GPR83: variants seen among roughly 807,000 people sequenced by gnomAD.
GPR83 encodes G protein-coupled receptor 83.
Under a neutral mutation model 28.0 loss-of-function variants are expected in GPR83, and 23 were observed. The observed-to-expected ratio is 0.82, with a 90% confidence interval of 0.59 to 1.16. GPR83 has a LOEUF of 1.16. Among genes scored for constraint, GPR83 ranks in the 50% most tolerant of loss-of-function variants. The pLI, the probability that GPR83 is intolerant of heterozygous loss-of-function variation, is 0.00. For missense variants in GPR83, 610 were observed against 536.6 expected (o/e 1.14, Z -1.35); for synonymous variants, 234 against 215.4 (o/e 1.09, Z -0.76).
At chr11:94,388,629 C>T (rs927814804) in intron 3 of GPR83, among the ~76,000 whole-genome samples, 19 of 152,070 alleles carry the variant, frequency 1.2e-4, no homozygotes, top group Non-Finnish European at 2.5e-4. Flanking sequence ...ATGTGAAGGA[C>T]CTCTTCAAGG....
At chr11:94,381,505 T>C in intron 3 of GPR83, among the ~76,000 whole-genome samples, 1 of 152,056 alleles carries the variant, frequency 6.6e-6, no homozygotes, top group East Asian at 1.9e-4. Flanking sequence ...TTAGTTGAAA[T>C]CTGCCTTCCG....
At chr11:94,394,923 G>A (rs1056900509) in intron 2 of GPR83, among the ~76,000 whole-genome samples, 2 of 152,182 alleles carry the variant, frequency 1.3e-5, no homozygotes, top group African/African-American at 4.8e-5. Flanking sequence ...TCAATGCTCA[G>A]TTGCGTTAAT....
rs1944672408 is a variant in GPR83, at chr11:94,380,308, C to T, written c.1113G>A (p.Glu371=). 1 of 1,606,692 alleles carries T rather than the reference C, an allele frequency of 6.2e-7. No homozygotes were observed. Among genetic ancestry groups the T allele is most frequent in the Non-Finnish European group, 8.5e-7 (1 of 1,175,492 alleles). ...SMCQRPPKPQ[E]DRPPSPVPSF... is the part of the protein sequence containing the mutation. The stretch of plus-strand genomic sequence containing the variant: ...AAGGAACTGGGGAGGGTGGCCTGTC[C>T]TCCTGAGGCTTGGGAGGTCTTTGAC... The change falls in exon 4 of 4, where the codon GAG becomes GAA. Residue 371 remains glutamate, a synonymous_variant. Coordinates refer to ENST00000243673, the MANE Select transcript of GPR83 (RefSeq NM_016540.4).
intron 2 of GPR83, among the ~76,000 whole-genome samples, 188 bp from the exon 3 acceptor site, chr11:94,393,806 A>G (rs538730999): frequency 6.6e-6 from 1 of 152,146 alleles, no homozygotes; most frequent in Non-Finnish European, 1.5e-5. Context: ...ATATATTTAA[A>G]AAAATGAAAA....
intron 3 of GPR83, 49 bp from the exon 4 acceptor site, chr11:94,380,822 T>C: frequency 2.0e-6 from 3 of 1,526,148 alleles, no homozygotes; most frequent in Non-Finnish European, 2.7e-6. Context: ...AAAGGAGATA[T>C]TAGTGTGGAA....
intron 3 of GPR83, among the ~76,000 whole-genome samples, chr11:94,389,571 G>T (rs951267341): frequency 1.3e-5 from 2 of 152,178 alleles, no homozygotes; most frequent in Non-Finnish European, 2.9e-5. Flanking sequence ...ATGAAAAAAT[G>T]CTCATTATCA....
intron 3 of GPR83, among the ~76,000 whole-genome samples, chr11:94,384,805 C>T (rs1444905944): frequency 6.6e-6 from 1 of 152,178 alleles, no homozygotes; most frequent in African/African-American, 2.4e-5. Flanking sequence ...GCAGTAGAAA[C>T]CTCTGCAGAT....
chr11:94,387,185 G>A (rs1468600257), intron 3 of GPR83, among the ~76,000 whole-genome samples: 1 of 152,150 alleles, frequency 6.6e-6, no homozygotes, highest in Non-Finnish European at 1.5e-5. Context: ...ACAGTGTGTA[G>A]GGGGAAATTT....
At chr11:94,385,127 A>C (rs1944738318) in intron 3 of GPR83, among the ~76,000 whole-genome samples, 1 of 152,248 alleles carries the variant, frequency 6.6e-6, no homozygotes, top group Non-Finnish European at 1.5e-5. Flanking sequence ...ACAGACCTGA[A>C]GCTGAGGGTC....
intron 3 of GPR83, among the ~76,000 whole-genome samples, chr11:94,388,180 A>G (rs1020886506): frequency 2.0e-5 from 3 of 152,222 alleles, no homozygotes; most frequent in African/African-American, 7.2e-5. Flanking sequence ...TCTCAAAATA[A>G]TAAGAGCTAT....
Position 94,380,453 on chromosome 11 carries a change from T to C in GPR83, c.968A>G (p.Asn323Ser), listed in dbSNP as rs1256492486. ...LLLSSKVIRT[N>S]NALYFAFHWF... ...GTGGAAGGCAAAGTAGAGGGCATTG[T>C]TGGTGCGGATGACCTTGCTGGACAG... Residue 323 changes from asparagine to serine, a missense_variant, in exon 4 of 4, where the codon AAC becomes AGC. By Grantham distance (46) the Asn-to-Ser change is conservative. Transcript: ENST00000243673. The C allele has an allele frequency of 6.2e-7, 1 of 1,614,028 alleles. No homozygotes were observed. Among genetic ancestry groups the C allele is most frequent in the East Asian group, 2.2e-5 (1 of 44,884 alleles).
At chr11:94,384,016 CAG>C (rs1405739641) in intron 3 of GPR83, among the ~76,000 whole-genome samples, 1 of 152,042 alleles carries the variant, frequency 6.6e-6, no homozygotes. Flanking sequence ...CAAAACCTGG[CAG>C]AGACACAACA....
At chr11:94,388,398 T>C (rs561812476) in intron 3 of GPR83, among the ~76,000 whole-genome samples, 1 of 152,344 alleles carries the variant, frequency 6.6e-6, no homozygotes, top group East Asian at 1.9e-4. Context: ...TGTTTGCAGA[T>C]GACATGATCG....
At position 94,380,089 on chromosome 11, in the gene GPR83, GCT is replaced by G. The variant is rs1440373754; in HGVS notation, c.*58_*59del. On this transcript the variant is annotated 3_prime_UTR_variant, in exon 4 of 4. Transcript: ENST00000243673. ...CTCTGAAGATCATGTGTGAGAATAG[GCT>G]CTCTTTCCCTGCCTCAGGTGGAGAC... The G allele has an allele frequency of 1.5e-6, 2 of 1,318,322 alleles. No homozygotes were observed. Among genetic ancestry groups the G allele is most frequent in the Non-Finnish European group, 1.0e-6 (1 of 968,008 alleles). 81.7% of individuals were successfully genotyped at this position (1,318,322 alleles called of 1,614,324 possible). A position where few individuals can be genotyped will look rare whatever the true frequency, so the allele number is the denominator to read the frequency against.
chr11:94,384,655 A>G (rs959980703), intron 3 of GPR83, among the ~76,000 whole-genome samples: 5 of 152,140 alleles, frequency 3.3e-5, no homozygotes, highest in African/African-American at 4.8e-5. Context: ...CTGGGGGAGG[A>G]GCGTCCGCCA....
chr11:94,387,831 G>A (rs552240241), intron 3 of GPR83, among the ~76,000 whole-genome samples: 2 of 152,218 alleles, frequency 1.3e-5, no homozygotes, highest in East Asian at 3.9e-4. Flanking sequence ...CATTTTATGA[G>A]GCCAGCATCG....
In GPR83 at chr11:94,393,575, C is replaced by A; in HGVS notation, c.557G>T (p.Gly186Val). The change falls in exon 3 of 4, where the codon GGT (glycine) becomes GTT (valine). Residue 186 changes from glycine to valine, a missense_variant. Physicochemically the swap from Gly to Val is moderately radical, Grantham distance 109. Coordinates refer to ENST00000243673, the MANE Select transcript of GPR83 (RefSeq NM_016540.4). Reference protein sequence around the residue: ...PLKPRISITKGVIYIAVIWTM... With the variant: ...PLKPRISITKVVIYIAVIWTM... ...CCAGATGACAGCGATGTAGATGACA[C>A]CCTTTGTGATTGAGATCCGGGGTTT... The A allele has an allele frequency of 6.2e-7, 1 of 1,613,844 alleles. No individual in the cohort carries two copies. Among genetic ancestry groups the A allele is most frequent in the Middle Eastern group, 1.6e-4 (1 of 6,062 alleles).
intron 2 of GPR83, among the ~76,000 whole-genome samples, chr11:94,395,435 G>A (rs907519226): frequency 6.6e-6 from 1 of 152,158 alleles, no homozygotes; most frequent in Admixed American, 6.5e-5. Flanking sequence ...TCTTCTCAGA[G>A]CAGCATGGTC....
rs932057060 is a variant in GPR83, at chr11:94,378,859, T to C, written c.*1290A>G. The C allele has an allele frequency of 1.3e-5, 2 of 152,244 alleles. No individual in the cohort carries two copies. Among genetic ancestry groups the C allele is most frequent in the African/African-American group, 4.8e-5 (2 of 41,424 alleles). 9.4% of individuals were successfully genotyped at this position (152,244 alleles called of 1,614,324 possible). The stretch of plus-strand genomic sequence containing the variant: ...GAGAGAAGGAATCATGCCTCCTGGT[T>C]GAGTTTGATTCCCTGGTTCATCTTG... On this transcript the variant is annotated 3_prime_UTR_variant, in exon 4 of 4. Coordinates refer to ENST00000243673, the MANE Select transcript of GPR83 (RefSeq NM_016540.4).
Sources: gnomAD v4.1 joint callset for allele counts (sites outside exome capture counted in the v4.1 genomes callset) on GRCh38, gnomAD v4.1.1 for gene constraint, MANE v1.5 for transcripts, NCBI Gene and HGNC (gene_info 2026-07-23, HGNC 2026-07-21) for gene names.